The following ERAP1 variants were observed in gnomAD, a reference collection of about 807,000 sequenced individuals.
ERAP1 encodes the protein endoplasmic reticulum aminopeptidase 1.
Under a neutral mutation model 103.7 loss-of-function variants are expected in ERAP1, and 86 were observed. The ratio of observed to expected loss-of-function variants is 0.83; its 90% CI spans 0.70 to 0.99. The LOEUF (loss-of-function observed/expected upper bound fraction) is 0.99, where lower values mean the gene tolerates loss of function less well. Among genes scored for constraint, ERAP1 ranks in the 50% least tolerant of loss-of-function variants. The probability of loss-of-function intolerance (pLI) is 0.00; values close to 1 mark genes in which losing one functional copy is unlikely to be tolerated. For missense variants in ERAP1, 1,009 were observed against 1,128.4 expected (o/e 0.89, Z 1.52); for synonymous variants, 398 against 402.4 (o/e 0.99, Z 0.13).
the ERAP1 span, among the ~76,000 whole-genome samples, chr5:96,897,419 C>T: frequency 2.0e-5 from 3 of 152,190 alleles, no homozygotes; most frequent in Non-Finnish European, 4.4e-5. Context: ...AGCCCTCATT[C>T]GTTTGCCTGT....
chr5:96,770,603 G>C (rs777025922), downstream of ERAP1: 1 of 1,603,388 alleles, frequency 6.2e-7, no homozygotes, highest in Non-Finnish European at 8.5e-7. Context: ...TTCAGCAAAG[G>C]TAAATGGAGC....
chr5:96,875,170 G>A, the ERAP1 span, among the ~76,000 whole-genome samples: 1 of 152,186 alleles, frequency 6.6e-6, no homozygotes. Flanking sequence ...CCATTGTGAG[G>A]AAGGATGAGG....
chr5:96,916,586 C>T, the ERAP1 span, among the ~76,000 whole-genome samples: 1 of 150,888 alleles, frequency 6.6e-6, no homozygotes, highest in African/African-American at 2.4e-5. Context: ...GCCTCAGCCT[C>T]CCGAGTAGCT....
chr5:96,909,040 G>A, the ERAP1 span: 69 of 1,614,032 alleles, frequency 4.3e-5, no homozygotes, highest in East Asian at 1.8e-4. Context: ...CGCACTTCTC[G>A]AAGGTCTGAG....
chr5:96,762,379 A>G (rs776899247), exon 20 of ERAP1: 1 of 1,570,468 alleles, frequency 6.4e-7, no homozygotes, highest in South Asian at 1.2e-5. Flanking sequence ...CTCGGTAAGC[A>G]GCACATCTTA....
chr5:96,783,311 T>C, intron 14 of ERAP1, 76 bp from the exon 15 acceptor site: 1 of 1,367,274 alleles, frequency 7.3e-7, no homozygotes, highest in Non-Finnish European at 1.0e-6. Context: ...CATTATGGTC[T>C]CAGATGATGG....
At position 96,803,510 on chromosome 5, in the gene ERAP1, G is replaced by T; in HGVS notation, c.417C>A (p.Leu139=). The T allele has an allele frequency of 6.2e-7, 1 of 1,613,384 alleles. No individual in the cohort carries two copies. Among genetic ancestry groups the T allele is most frequent in the Non-Finnish European group, 8.5e-7 (1 of 1,179,470 alleles). The part of the protein sequence containing the change: ...EQIALLAPEP[L]LVGLPYTVVI... ...CAACTGTGTACGGGAGCCCGACAAG[G>T]AGGGGCTCGGGAGCCAGCAGTGCAA... Residue 139 remains leucine, a synonymous_variant, in exon 2 of 19, where the codon CTC becomes CTA. Coordinates refer to ENST00000443439, the MANE Select transcript of ERAP1 (RefSeq NM_001040458.3).
the ERAP1 span, among the ~76,000 whole-genome samples, chr5:96,911,689 T>C: frequency 6.6e-6 from 1 of 151,370 alleles, no homozygotes; most frequent in African/African-American, 2.4e-5. Context: ...CTTGTCAACA[T>C]AGTGAGAGCC....
intron 12 of ERAP1, 50 bp downstream of exon 12, chr5:96,786,420 C>T (rs751248723): frequency 4.0e-6 from 5 of 1,235,914 alleles, no homozygotes; most frequent in Non-Finnish European, 6.0e-6. Context: ...TAATCCTACA[C>T]ATTTTCACAT....
intron 19 of ERAP1, chr5:96,768,417 G>A (rs368019597): frequency 4.2e-5 from 19 of 456,332 alleles, no homozygotes; most frequent in Non-Finnish European, 6.2e-5. Flanking sequence ...TGAATCAAAC[G>A]ATGATATAGA....
At chr5:96,840,898 G>A in the ERAP1 span, among the ~76,000 whole-genome samples, 5 of 152,100 alleles carry the variant, frequency 3.3e-5, no homozygotes, top group African/African-American at 1.2e-4. Flanking sequence ...TAGAGACAGG[G>A]TTTCACCATG....
At chr5:96,771,090 C>T (rs1317183115), downstream of ERAP1, among the ~76,000 whole-genome samples, 2 of 152,160 alleles carry the variant, frequency 1.3e-5, no homozygotes, top group African/African-American at 2.4e-5. Flanking sequence ...AGTCCAGTTA[C>T]ACCAAAGCTT....
chr5:96,837,875 T>C, the ERAP1 span, among the ~76,000 whole-genome samples: 1 of 152,170 alleles, frequency 6.6e-6, no homozygotes, highest in Non-Finnish European at 1.5e-5. Flanking sequence ...AGCAGGAAGA[T>C]AAGCTTTCCC....
the ERAP1 span, chr5:96,889,195 A>G: frequency 6.2e-7 from 1 of 1,614,188 alleles, no homozygotes; most frequent in African/African-American, 1.3e-5. Context: ...GTGTCCATCT[A>G]TGCATCCCCA....
At chr5:96,926,695 T>C in the ERAP1 span, among the ~76,000 whole-genome samples, 1 of 152,262 alleles carries the variant, frequency 6.6e-6, no homozygotes, top group East Asian at 1.9e-4. Context: ...TAATATTCTA[T>C]TATACATATA....
At chr5:96,883,970 G>A in the ERAP1 span, 1 of 1,536,168 alleles carries the variant, frequency 6.5e-7, no homozygotes, top group Non-Finnish European at 8.7e-7. Flanking sequence ...TTGTTCTCAA[G>A]TTGAGACTCA....
rs1440198962 is a variant in ERAP1, at chr5:96,775,681, A to C, written c.*715T>G. 4.5e-6 allele frequency: 1 copy of C among 223,922 alleles called. No individual in the cohort carries two copies. The highest frequency in any genetic ancestry group is 2.3e-5 in the African/African-American group (1 of 42,720). 13.9% of individuals were successfully genotyped at this position (223,922 alleles called of 1,614,324 possible). A position where few individuals can be genotyped will look rare whatever the true frequency, so the allele number is the denominator to read the frequency against. On this transcript the variant is annotated 3_prime_UTR_variant, in exon 19 of 19. Coordinates refer to ENST00000443439, the MANE Select transcript of ERAP1 (RefSeq NM_001040458.3). ...AATCCTGAAGGGATGAGGAGGGAGC[A>C]GTTACCAAAATCCAGAGGTGGAGAA...
intron 18 of ERAP1, among the ~76,000 whole-genome samples, chr5:96,778,477 CAT>C (rs767567135): frequency 4.7e-4 from 71 of 152,216 alleles, no homozygotes; most frequent in South Asian, 1.9e-3. Context: ...ACAGGAGAAA[CAT>C]GTGGTAGCCC....
chr5:96,882,244 T>G, the ERAP1 span, among the ~76,000 whole-genome samples: 1 of 152,240 alleles, frequency 6.6e-6, no homozygotes, highest in Non-Finnish European at 1.5e-5. Context: ...TTTTCATTTT[T>G]TTCAAATGCC....
Sources: allele counts gnomAD v4.1 joint callset (sites outside exome capture counted in the v4.1 genomes callset), GRCh38; gene constraint gnomAD v4.1.1; transcripts MANE v1.5; gene names NCBI Gene and HGNC (gene_info 2026-07-23, HGNC 2026-07-21).